AKAP13: variants seen among roughly 807,000 people sequenced by gnomAD.
The protein encoded by AKAP13 is A-kinase anchor protein 13.
AKAP13 carries 80 observed loss-of-function variants against 264.5 expected under a neutral mutation model. The observed-to-expected ratio is 0.30, with a 90% CI of 0.25 to 0.36. The LOEUF (loss-of-function observed/expected upper bound fraction) is 0.36, where lower values mean the gene tolerates loss of function less well. Ranked by LOEUF, AKAP13 falls within the 10% of genes least tolerant of loss-of-function variation. The pLI, the probability that AKAP13 is intolerant of heterozygous loss-of-function variation, is 1.00. For missense variants in AKAP13, 3,712 were observed against 3,435.2 expected (o/e 1.08, Z -2.01); for synonymous variants, 1,380 against 1,250.2 (o/e 1.10, Z -2.19).
Position 85,581,497 on chromosome 15 carries a change from C to A in AKAP13, c.3429C>A (p.Asp1143Glu), listed in dbSNP as rs1170604390. The A allele has an allele frequency of 1.2e-6, 2 of 1,614,158 alleles. No homozygotes were observed. The highest frequency in any genetic ancestry group is 1.7e-6 in the Non-Finnish European group (2 of 1,180,040). The change falls in exon 7 of 37, where the codon GAC becomes GAA. Residue 1143 changes from aspartate (D) to glutamate (E), a missense_variant. Coordinates refer to ENST00000394518, the MANE Select transcript of AKAP13 (RefSeq NM_007200.5). ...PVALQDKAVT[D>E]PQGVGTPEMI... is the part of the protein sequence containing the mutation. ...CTCTACAGGACAAAGCTGTGACTGA[C>A]CCACAGGGAGTTGGAACCCCAGAGA...
rs1460499774 is a variant in AKAP13, at chr15:85,435,105, C to T, written c.-11-50605C>T. 5.0e-5 allele frequency among the ~76,000 whole-genome samples: 6 copies of T among 120,020 alleles called. No homozygotes were observed. The Admixed American group carries it at 5.2e-4, about 10-fold the overall frequency. The allele number at this position is 120,020 out of a possible 152,430, so 78.7% of individuals were successfully genotyped here. On this transcript the variant is annotated intron_variant, in intron 1 of 36. Transcript: ENST00000394518. ...TTAGAAGAATGTATAACTAGAATAA[C>T]CAATACAGAGAAGTGCTTAAAGGAG...
In AKAP13 at chr15:85,581,850, A is replaced by G; in HGVS notation, c.3782A>G (p.Glu1261Gly). 1 of 1,614,210 alleles carries G rather than the reference A, an allele frequency of 6.2e-7. No homozygotes were observed. Residue 1261 changes from glutamate (E) to glycine (G), a missense_variant, in exon 7 of 37, where the codon GAA becomes GGA. Around this residue, in one of 3 missense-constraint regions of AKAP13, gnomAD observed 2,759 missense variants for 2,411.7 expected, o/e 1.14. Transcript: ENST00000394518. ...AGCCGTATAGTGGATGCTGTCATCG[A>G]ACAAGTCAAGGCCGCTGGAGCACTG... ...AASRIVDAVI[E>G]QVKAAGALLT...
At chr15:85,460,035 C>T (rs1307331377) in intron 1 of AKAP13, among the ~76,000 whole-genome samples, 1 of 152,194 alleles carries the variant, frequency 6.6e-6, no homozygotes. Context: ...TTTTCACAGA[C>T]TTACCTTTTC....
intron 7 of AKAP13, among the ~76,000 whole-genome samples, chr15:85,582,709 C>T (rs1487093013): frequency 6.6e-6 from 1 of 151,684 alleles, no homozygotes; most frequent in East Asian, 1.9e-4. Flanking sequence ...ACGGGGAACT[C>T]CTTCCTTTTC....
chr15:85,546,904 C>A (rs1021975558), intron 5 of AKAP13, among the ~76,000 whole-genome samples: 1 of 151,954 alleles, frequency 6.6e-6, no homozygotes, highest in Non-Finnish European at 1.5e-5. Flanking sequence ...CCACCATGTC[C>A]GGCTAATTTT....
At chr15:85,495,204 C>CA (rs554314204) in intron 2 of AKAP13, among the ~76,000 whole-genome samples, 2 of 152,234 alleles carry the variant, frequency 1.3e-5, no homozygotes, top group East Asian at 3.9e-4. Context: ...GGCCCTGGAA[C>CA]AGTAAGGCTT....
At chr15:85,744,256 G>A (rs1321045691) in intron 36 of AKAP13, 2 of 301,660 alleles carry the variant, frequency 6.6e-6, no homozygotes, top group African/African-American at 2.2e-5. Flanking sequence ...TAATGTGCCA[G>A]CGGCCACAGA....
Position 85,470,903 on chromosome 15 carries a change from A to C in AKAP13, c.-11-14807A>C, listed in dbSNP as rs1217079285. ...ATAACATCATGACTGCAGTTGGTTAAGTTTCAGTGTAATTTTAGTCATTCT... is the reference window on the plus strand; with the variant it reads ...ATAACATCATGACTGCAGTTGGTTACGTTTCAGTGTAATTTTAGTCATTCT... On this transcript the variant is annotated intron_variant, in intron 1 of 36. Coordinates refer to ENST00000394518, the MANE Select transcript of AKAP13 (RefSeq NM_007200.5). Among the ~76,000 whole-genome samples, 3 of 152,216 alleles carry C rather than the reference A, an allele frequency of 2.0e-5. No individual in the cohort carries two copies. In the East Asian group the frequency reaches 5.8e-4, roughly 29 times the overall value.
At chr15:85,425,965 A>G (rs977839858) in intron 1 of AKAP13, among the ~76,000 whole-genome samples, 6 of 152,118 alleles carry the variant, frequency 3.9e-5, no homozygotes, top group Non-Finnish European at 8.8e-5. Flanking sequence ...GAGAGAAAAT[A>G]AGAGACATCT....
rs140419779 is a variant in AKAP13, at chr15:85,740,409, C to G, written c.7608+137C>G. On this transcript the variant is annotated intron_variant, in intron 34 of 36. Coordinates refer to ENST00000394518, the MANE Select transcript of AKAP13 (RefSeq NM_007200.5). ...GCCCTCAGTCTAGGGAAGACTGGCTCTCGTGGTGAGAAAGTTACAGAATGC... is the reference window on the plus strand; with the variant it reads ...GCCCTCAGTCTAGGGAAGACTGGCTGTCGTGGTGAGAAAGTTACAGAATGC... The G allele has an allele frequency of 1.7e-3, 1,535 of 920,868 alleles. 12 individuals are homozygous for G. The African/African-American group carries it at 0.022, about 13-fold the overall frequency. 57.0% of individuals were successfully genotyped at this position (920,868 alleles called of 1,614,324 possible).
intron 13 of AKAP13, among the ~76,000 whole-genome samples, chr15:85,667,577 T>A (rs1002293380): frequency 5.9e-5 from 9 of 152,228 alleles, no homozygotes; most frequent in Non-Finnish European, 1.2e-4. Flanking sequence ...GGAAATCATT[T>A]ACAAGATGAG....
intron 9 of AKAP13, among the ~76,000 whole-genome samples, chr15:85,643,600 T>C (rs2082409992): frequency 6.6e-6 from 1 of 152,226 alleles, no homozygotes; most frequent in Non-Finnish European, 1.5e-5. Flanking sequence ...TCTGTGCAGA[T>C]ACCTTTTCTG....
chr15:85,719,829 C>T (rs1395459258), intron 23 of AKAP13, among the ~76,000 whole-genome samples: 3 of 151,704 alleles, frequency 2.0e-5, no homozygotes, highest in South Asian at 2.1e-4. Context: ...ATATAAGAAT[C>T]GCTTGAACCT....
chr15:85,476,210 A>G (rs2075158594), intron 1 of AKAP13, among the ~76,000 whole-genome samples: 1 of 152,106 alleles, frequency 6.6e-6, no homozygotes, highest in Non-Finnish European at 1.5e-5. Context: ...GGAAGAAAAG[A>G]GTGCTCAGTA....
chr15:85,448,668 A>G (rs533242858), intron 1 of AKAP13, among the ~76,000 whole-genome samples: 4 of 152,142 alleles, frequency 2.6e-5, no homozygotes, highest in Non-Finnish European at 5.9e-5. Flanking sequence ...CAAAGATCAG[A>G]TGGTCGTAGA....
At chr15:85,735,781 A>C (rs1385219936) in intron 32 of AKAP13, 151 bp downstream of exon 32, 1 of 889,376 alleles carries the variant, frequency 1.1e-6, no homozygotes, top group Non-Finnish European at 1.7e-6. Context: ...TTTTAAAACA[A>C]ATAGTACAGT....
At chr15:85,516,752 G>A (rs1016928950) in intron 2 of AKAP13, among the ~76,000 whole-genome samples, 4 of 152,092 alleles carry the variant, frequency 2.6e-5, no homozygotes, top group African/African-American at 9.7e-5. Flanking sequence ...AATTTCAGTG[G>A]TGTAAATACT....
chr15:85,391,486 C>CTTTTT (rs759926035), intron 1 of AKAP13, among the ~76,000 whole-genome samples: 1 of 135,780 alleles, frequency 7.4e-6, no homozygotes. Flanking sequence ...CTTTTCTTTT[C>CTTTTT]TTTTTTTTTT....
chr15:85,544,928 A>G (rs574640326), intron 5 of AKAP13, among the ~76,000 whole-genome samples: 83 of 152,342 alleles, frequency 5.4e-4, no homozygotes, highest in Non-Finnish European at 1.1e-3. Context: ...TTAACTGTGT[A>G]TATAGTCTGG....
Sources: allele counts gnomAD v4.1 joint callset (sites outside exome capture counted in the v4.1 genomes callset), GRCh38; gene constraint gnomAD v4.1.1; regional missense constraint gnomAD v4.1.1; transcripts MANE v1.5; gene names NCBI Gene and HGNC (gene_info 2026-07-23, HGNC 2026-07-21).